Variants in MACROD2 observed in about 807,000 individuals in gnomAD.
The protein encoded by MACROD2 is ADP-ribose glycohydrolase MACROD2.
Under a neutral mutation model 70.4 loss-of-function variants are expected in MACROD2, and 36 were observed. The observed-to-expected ratio is 0.51, with a 90% CI of 0.39 to 0.68. The LOEUF is 0.68. MACROD2 is among the 30% of genes least tolerant of loss of function. The probability of loss-of-function intolerance (pLI) is 0.00; values close to 1 mark genes in which losing one functional copy is unlikely to be tolerated. For synonymous variants in MACROD2, 172 were observed against 178.8 expected (o/e 0.96, Z 0.30); for missense variants, 496 against 538.4 (o/e 0.92, Z 0.78).
intron 5 of MACROD2, among the ~76,000 whole-genome samples, chr20:15,184,074 G>A (rs190012044): frequency 7.3e-6 from 1 of 136,366 alleles, no homozygotes; most frequent in African/African-American, 2.5e-5. Flanking sequence ...GATAGCGAAT[G>A]TTTCAAGGAA....
At chr20:16,025,367 AT>A (rs1370307158) in intron 15 of MACROD2, among the ~76,000 whole-genome samples, 1 of 152,238 alleles carries the variant, frequency 6.6e-6, no homozygotes, top group Non-Finnish European at 1.5e-5. Flanking sequence ...GGCAAAGAAC[AT>A]CTGTTTGTTG....
At chr20:15,266,754 T>C (rs1380378068) in intron 6 of MACROD2, among the ~76,000 whole-genome samples, 2 of 152,222 alleles carry the variant, frequency 1.3e-5, no homozygotes, top group South Asian at 4.1e-4. Context: ...ATTGTATGTC[T>C]CTTGGTTACC....
chr20:16,012,275 A>G (rs1490352408), intron 15 of MACROD2, among the ~76,000 whole-genome samples: 1 of 152,068 alleles, frequency 6.6e-6, no homozygotes, highest in East Asian at 1.9e-4. Context: ...TTTTCCCCAC[A>G]TTAGAGAGGA....
chr20:14,533,801 C>T (rs978822737), intron 4 of MACROD2, among the ~76,000 whole-genome samples: 13 of 152,148 alleles, frequency 8.5e-5, no homozygotes, highest in African/African-American at 3.1e-4. Flanking sequence ...TTGCCTTATT[C>T]ACAGTCCAGG....
chr20:14,081,632 T>G (rs1409498891), intron 2 of MACROD2, among the ~76,000 whole-genome samples: 14 of 152,190 alleles, frequency 9.2e-5, no homozygotes, highest in Non-Finnish European at 1.5e-5. Flanking sequence ...TGGAAAAAGA[T>G]ACATTGAGAT....
chr20:14,021,949 T>C (rs953782588), intron 2 of MACROD2, among the ~76,000 whole-genome samples: 6 of 152,170 alleles, frequency 3.9e-5, no homozygotes, highest in Non-Finnish European at 5.9e-5. Context: ...AGTTGGAGGC[T>C]GTTATGAGCT....
chr20:15,957,530 C>G (rs1369404612), intron 12 of MACROD2, among the ~76,000 whole-genome samples: 1 of 152,134 alleles, frequency 6.6e-6, no homozygotes, highest in African/African-American at 2.4e-5. Flanking sequence ...TCCTTCCCTC[C>G]CTCTTGGTCC....
chr20:15,338,711 T>C (rs1600260610), intron 6 of MACROD2, among the ~76,000 whole-genome samples: 2 of 151,878 alleles, frequency 1.3e-5, no homozygotes, highest in East Asian at 3.9e-4. Context: ...GCCTAACGTC[T>C]TTTAGTACAA....
intron 5 of MACROD2, among the ~76,000 whole-genome samples, chr20:15,124,916 A>G (rs1482340260): frequency 6.6e-6 from 1 of 151,972 alleles, no homozygotes; most frequent in Non-Finnish European, 1.5e-5. Context: ...TGAAAAAAAC[A>G]CAAGTTCATT....
intron 3 of MACROD2, among the ~76,000 whole-genome samples, chr20:14,491,482 A>C (rs2084793973): frequency 6.6e-6 from 1 of 152,348 alleles, no homozygotes; most frequent in South Asian, 2.1e-4. Context: ...CAATTTTGTA[A>C]AATAGTTCTA....
chr20:14,666,114 T>C (rs1281726648), intron 4 of MACROD2, among the ~76,000 whole-genome samples: 2 of 152,104 alleles, frequency 1.3e-5, no homozygotes, highest in East Asian at 3.8e-4. Context: ...TGCTGAAATC[T>C]CAGCCTCCTG....
intron 3 of MACROD2, among the ~76,000 whole-genome samples, chr20:14,141,915 A>C (rs1042999755): frequency 6.6e-6 from 1 of 152,164 alleles, no homozygotes; most frequent in Non-Finnish European, 1.5e-5. Context: ...GAATGAATAC[A>C]TACGATGTTT....
intron 4 of MACROD2, chr20:14,621,955 A>G (rs1331280345): frequency 6.6e-6 from 1 of 152,028 alleles, no homozygotes; most frequent in African/African-American, 2.4e-5. Flanking sequence ...ATAATTTAAC[A>G]TTTGCCTCAG....
chr20:14,050,731 C>T (rs1236344269), intron 2 of MACROD2, among the ~76,000 whole-genome samples: 3 of 152,016 alleles, frequency 2.0e-5, no homozygotes, highest in African/African-American at 7.3e-5. Context: ...CAAATCAGGC[C>T]ATTGTGAAAG....
At chr20:14,200,233 T>G (rs937086372) in intron 3 of MACROD2, among the ~76,000 whole-genome samples, 11 of 152,152 alleles carry the variant, frequency 7.2e-5, no homozygotes, top group African/African-American at 2.7e-4. Flanking sequence ...TGCAGGGACA[T>G]TGATGGAGCT....
intron 15 of MACROD2, among the ~76,000 whole-genome samples, chr20:16,040,250 G>A (rs2067290451): frequency 6.6e-6 from 1 of 151,822 alleles, no homozygotes; most frequent in Admixed American, 6.6e-5. Context: ...TACCTCTGAA[G>A]ATCTCTTCCT....
At chr20:15,301,813 G>T (rs2077646966) in intron 6 of MACROD2, among the ~76,000 whole-genome samples, 1 of 152,036 alleles carries the variant, frequency 6.6e-6, no homozygotes, top group African/African-American at 2.4e-5. Context: ...GCAATAGGCA[G>T]TTATTTAGCT....
chr20:15,326,351 A>T (rs1047522493), intron 6 of MACROD2, among the ~76,000 whole-genome samples: 2 of 152,174 alleles, frequency 1.3e-5, no homozygotes, highest in Non-Finnish European at 2.9e-5. Context: ...TAGATATGTT[A>T]AAATATATCT....
intron 5 of MACROD2, among the ~76,000 whole-genome samples, chr20:15,199,575 T>C (rs1052859424): frequency 2.0e-5 from 3 of 152,162 alleles, no homozygotes; most frequent in Non-Finnish European, 2.9e-5. Context: ...TAAATGACTT[T>C]GTTATAATTG....
Sources: gnomAD v4.1 joint callset for allele counts (sites outside exome capture counted in the v4.1 genomes callset) on GRCh38, gnomAD v4.1.1 for gene constraint, MANE v1.5 for transcripts, NCBI Gene and HGNC (gene_info 2026-07-23, HGNC 2026-07-21) for gene names.